The following FSHR variants were observed in gnomAD, a reference collection of about 807,000 sequenced individuals.
FSHR encodes the protein follicle stimulating hormone receptor.
FSHR carries 46 observed loss-of-function variants against 52.1 expected under a neutral mutation model. The ratio of observed to expected loss-of-function variants is 0.88; its 90% CI spans 0.70 to 1.13. The LOEUF is 1.13. Ranked by LOEUF, FSHR falls within the 50% of genes most tolerant of loss-of-function variation. The probability of loss-of-function intolerance (pLI) is 0.00; values close to 1 mark genes in which losing one functional copy is unlikely to be tolerated. For synonymous variants in FSHR, 399 were observed against 309.6 expected (o/e 1.29, Z -3.03); for missense variants, 964 against 834.6 (o/e 1.16, Z -1.91).
At chr2:48,994,330 A>G (rs1188088792) in intron 4 of FSHR, among the ~76,000 whole-genome samples, 11 of 152,204 alleles carry the variant, frequency 7.2e-5, no homozygotes, top group Non-Finnish European at 5.9e-5. Context: ...ATCATTTAAC[A>G]TCAATTGCAT....
chr2:49,075,361 A>G (rs554467387), intron 1 of FSHR, among the ~76,000 whole-genome samples: 2 of 152,276 alleles, frequency 1.3e-5, no homozygotes, highest in East Asian at 3.9e-4. Context: ...CAAGATTTAA[A>G]TTTGCCTTGA....
intron 1 of FSHR, among the ~76,000 whole-genome samples, chr2:49,115,618 A>G (rs562797974): frequency 6.6e-6 from 1 of 152,332 alleles, no homozygotes; most frequent in South Asian, 2.1e-4. Context: ...TAGGTGCCAC[A>G]TGCTGCTAGA....
intron 9 of FSHR, among the ~76,000 whole-genome samples, chr2:48,966,878 G>A (rs1674499751): frequency 1.3e-5 from 2 of 152,190 alleles, no homozygotes; most frequent in South Asian, 4.1e-4. Flanking sequence ...TGGTAAGTTA[G>A]AGCAGCAACC....
At chr2:49,009,737 C>T (rs1271047177) in intron 4 of FSHR, among the ~76,000 whole-genome samples, 2 of 146,070 alleles carry the variant, frequency 1.4e-5, no homozygotes, top group African/African-American at 5.0e-5. Flanking sequence ...TGAAGAGGTC[C>T]TTCACGTCCC....
chr2:49,032,283 T>G (rs2104258389), intron 2 of FSHR, among the ~76,000 whole-genome samples: 1 of 152,342 alleles, frequency 6.6e-6, no homozygotes, highest in South Asian at 2.1e-4. Flanking sequence ...TCACACCAGC[T>G]GCACTTCTGT....
rs983614688 is a variant in FSHR, at chr2:48,985,477, T to A, written c.525-2311A>T. 2.6e-5 allele frequency among the ~76,000 whole-genome samples: 4 copies of A among 152,278 alleles called. No individual in the cohort carries two copies. The East Asian group carries it at 7.7e-4, about 29-fold the overall frequency. On this transcript the variant is annotated intron_variant, in intron 6 of 9. Transcript: ENST00000406846. Reference sequence around the variant, plus strand: ...CATTATTCTCCTGGCTGGCCATAGCTAGGTGCTTTCCCCATTCAGGCACTC... The same window carrying A: ...CATTATTCTCCTGGCTGGCCATAGCAAGGTGCTTTCCCCATTCAGGCACTC...
chr2:48,998,214 TA>T (rs1276738150), intron 4 of FSHR, among the ~76,000 whole-genome samples: 2 of 152,078 alleles, frequency 1.3e-5, no homozygotes, highest in Non-Finnish European at 2.9e-5. Flanking sequence ...ACAAAGCAGA[TA>T]TTTTCTAATT....
chr2:49,076,638 C>A (rs1337337555), intron 1 of FSHR, among the ~76,000 whole-genome samples: 1 of 152,158 alleles, frequency 6.6e-6, no homozygotes. Flanking sequence ...AATATTAACT[C>A]AAAAATCCAC....
At chr2:49,126,593 A>C (rs1213276337) in intron 1 of FSHR, among the ~76,000 whole-genome samples, 1 of 152,182 alleles carries the variant, frequency 6.6e-6, no homozygotes, top group Non-Finnish European at 1.5e-5. Context: ...AAATGGTTGA[A>C]TGACCTCAGT....
intron 1 of FSHR, among the ~76,000 whole-genome samples, chr2:49,100,822 A>T (rs1671000783): frequency 6.6e-6 from 1 of 152,190 alleles, no homozygotes; most frequent in South Asian, 2.1e-4. Context: ...TTGAGAGAGT[A>T]TTTATAGTGA....
chr2:49,103,996 A>G (rs895608180), intron 1 of FSHR, among the ~76,000 whole-genome samples: 1 of 151,962 alleles, frequency 6.6e-6, no homozygotes, highest in African/African-American at 2.4e-5. Context: ...ATCCTCTAAA[A>G]AGACATTGAA....
In FSHR at chr2:48,963,649, T is replaced by C; in HGVS notation, c.1172A>G (p.Gln391Arg). ...GAACCTGGGGACTGTGAGTTTATAT[T>C]GGCTGGTAGTTAGGATCACTAGCAC... Reference protein sequence around the residue: ...IIVLVILTTSQYKLTVPRFLM... With the variant: ...IIVLVILTTSRYKLTVPRFLM... The change falls in exon 10 of 10, where the codon CAA becomes CGA. Residue 391 changes from glutamine (Q) to arginine (R), a missense_variant. Gln to Arg is a conservative substitution (Grantham distance 43). Transcript: ENST00000406846. The C allele has an allele frequency of 1.9e-6, 3 of 1,614,154 alleles. No individual in the cohort carries two copies. Among genetic ancestry groups the C allele is most frequent in the South Asian group, 1.1e-5 (1 of 91,078 alleles).
At chr2:49,057,232 CT>C (rs1669095898) in intron 2 of FSHR, among the ~76,000 whole-genome samples, 1 of 151,910 alleles carries the variant, frequency 6.6e-6, no homozygotes. Context: ...TAAAAAGTTG[CT>C]TTTCTGAAAT....
chr2:49,143,768 C>G (rs1440778836), intron 1 of FSHR, among the ~76,000 whole-genome samples: 2 of 152,102 alleles, frequency 1.3e-5, no homozygotes, highest in East Asian at 1.9e-4. Context: ...TATTCCTCTA[C>G]TTTGCAAGCA....
intron 1 of FSHR, among the ~76,000 whole-genome samples, chr2:49,138,890 C>T (rs2103830621): frequency 6.6e-6 from 1 of 151,998 alleles, no homozygotes; most frequent in Middle Eastern, 3.4e-3. Context: ...GTAAAAATAC[C>T]AGTGGAATTC....
chr2:49,086,324 G>A (rs917756250), intron 1 of FSHR, among the ~76,000 whole-genome samples: 2 of 152,086 alleles, frequency 1.3e-5, no homozygotes, highest in African/African-American at 4.8e-5. Flanking sequence ...CTTCAAGACA[G>A]AAAAGATGTA....
At chr2:49,052,433 T>G (rs1668897590) in intron 2 of FSHR, among the ~76,000 whole-genome samples, 1 of 152,240 alleles carries the variant, frequency 6.6e-6, no homozygotes, top group African/African-American at 2.4e-5. Flanking sequence ...TCAGTGGCTT[T>G]CAATTTTAGA....
At chr2:49,043,162 G>T (rs990469901) in intron 2 of FSHR, among the ~76,000 whole-genome samples, 2 of 151,996 alleles carry the variant, frequency 1.3e-5, no homozygotes, top group African/African-American at 2.4e-5. Context: ...TTTAAGGAAG[G>T]ACTGAGAAAT....
At chr2:49,027,809 G>A (rs1033196697) in intron 2 of FSHR, among the ~76,000 whole-genome samples, 1 of 148,912 alleles carries the variant, frequency 6.7e-6, no homozygotes, top group East Asian at 2.0e-4. Context: ...GAGATTGTGC[G>A]GCTGCACTCC....
Sources: gnomAD v4.1 joint callset for allele counts (sites outside exome capture counted in the v4.1 genomes callset) on GRCh38, gnomAD v4.1.1 for gene constraint, MANE v1.5 for transcripts, NCBI Gene and HGNC (gene_info 2026-07-23, HGNC 2026-07-21) for gene names.